NOVA1: variants seen among roughly 807,000 people sequenced by gnomAD.
NOVA1 encodes RNA-binding protein Nova-1.
A neutral mutation model predicts 38.0 loss-of-function variants in NOVA1; 7 were observed. The ratio of observed to expected loss-of-function variants is 0.18; its 90% CI spans 0.10 to 0.35. NOVA1 has a LOEUF of 0.35. Ranked by LOEUF, NOVA1 falls within the 10% of genes least tolerant of loss-of-function variation. The probability of loss-of-function intolerance (pLI) is 1.00; values close to 1 mark genes in which losing one functional copy is unlikely to be tolerated. For missense variants in NOVA1, 460 were observed against 616.0 expected (o/e 0.75, Z 2.68); for synonymous variants, 270 against 232.5 (o/e 1.16, Z -1.47).
chr14:26,448,415 T>A lies in NOVA1; in HGVS notation c.1068A>T (p.Ala356=). The A allele has an allele frequency of 7.4e-6, 12 of 1,611,942 alleles. No individual in the cohort carries two copies. Among genetic ancestry groups the A allele is most frequent in the South Asian group, 1.1e-5 (1 of 90,992 alleles). The change falls in exon 5 of 5, where the codon GCA becomes GCT. Residue 356 remains alanine, a synonymous_variant. Coordinates refer to ENST00000539517, the MANE Select transcript of NOVA1 (RefSeq NM_002515.3). This position sits in a 1 kb window ranked among gnomAD's most constrained non-coding sequence, Gnocchi z 5.3. ...AGGTGGCCAATAAATTGGCTGCTGC[T>A]GCTGCTGGGTTGGCACTGGCAGCTG... ...AAAAASANPA[A]AAANLLATYA...
intron 3 of NOVA1, among the ~76,000 whole-genome samples, chr14:26,478,374 T>C (rs7160872): frequency 0.013 from 2,050 of 151,936 alleles, 21 homozygotes; most frequent in Non-Finnish European, 0.019. Context: ...TTTTATGTTT[T>C]ACTTAAAAAA....
At chr14:26,512,528 A>C (rs372408379) in intron 2 of NOVA1, among the ~76,000 whole-genome samples, 3 of 152,182 alleles carry the variant, frequency 2.0e-5, no homozygotes, top group East Asian at 3.8e-4. Context: ...TGTGACTTCA[A>C]TTAAACTCTT....
At chr14:26,585,486 T>C (rs73603806) in intron 2 of NOVA1, among the ~76,000 whole-genome samples, 4,013 of 151,390 alleles carry the variant, frequency 0.027, 170 homozygotes, top group African/African-American at 0.092. Context: ...AAATATATTA[T>C]AAACAAAACA....
At chr14:26,509,541 G>T (rs1887899553) in intron 2 of NOVA1, among the ~76,000 whole-genome samples, 1 of 152,166 alleles carries the variant, frequency 6.6e-6, no homozygotes, top group African/African-American at 2.4e-5. Context: ...AGACAGAAGA[G>T]AGATTTTATA....
rs1007898191 is a variant in NOVA1, at chr14:26,595,672, T to G, written c.137-119A>C. On this transcript the variant is annotated intron_variant, in intron 1 of 4. Coordinates refer to ENST00000539517, the MANE Select transcript of NOVA1 (RefSeq NM_002515.3). ...ACTGGGTATATAACTGCAGGAAATA[T>G]GAAGTTAAACATTTTTTGAGAATGA... 5 of 769,614 alleles carry G rather than the reference T, an allele frequency of 6.5e-6. No individual in the cohort carries two copies. The South Asian group carries it at 9.0e-5, about 14-fold the overall frequency. The allele number at this position is 769,614 out of a possible 1,614,324, so 47.7% of individuals were successfully genotyped here. A position where few individuals can be genotyped will look rare whatever the true frequency, so the allele number is the denominator to read the frequency against.
intron 2 of NOVA1, among the ~76,000 whole-genome samples, chr14:26,494,954 C>A (rs552353009): frequency 6.6e-6 from 1 of 152,252 alleles, no homozygotes; most frequent in African/African-American, 2.4e-5. Context: ...AGTCTAAACC[C>A]TTTACTATGG....
At chr14:26,553,991 CAA>C (rs60112245) in intron 2 of NOVA1, among the ~76,000 whole-genome samples, 1 of 151,410 alleles carries the variant, frequency 6.6e-6, no homozygotes, top group Non-Finnish European at 1.5e-5. Flanking sequence ...ACTACAAATA[CAA>C]AAAAAACTGG....
chr14:26,554,340 T>G (rs936379843), intron 2 of NOVA1, among the ~76,000 whole-genome samples: 13 of 150,738 alleles, frequency 8.6e-5, no homozygotes, highest in African/African-American at 3.2e-4. Flanking sequence ...GGAGGAGAAA[T>G]AGGTATATGA....
At chr14:26,535,644 C>G (rs890270774) in intron 2 of NOVA1, among the ~76,000 whole-genome samples, 1 of 152,090 alleles carries the variant, frequency 6.6e-6, no homozygotes, top group African/African-American at 2.4e-5. Flanking sequence ...TCAGCAGAAA[C>G]AGATGACTGG....
chr14:26,519,087 A>G (rs963133935), intron 2 of NOVA1: 1 of 152,128 alleles, frequency 6.6e-6, no homozygotes, highest in Non-Finnish European at 1.5e-5. Context: ...TCTATTTTAA[A>G]TGGAAAACAT....
intron 2 of NOVA1, among the ~76,000 whole-genome samples, chr14:26,514,293 T>C (rs1250947894): frequency 6.6e-6 from 1 of 151,780 alleles, no homozygotes; most frequent in Non-Finnish European, 1.5e-5. Flanking sequence ...CTCTATTAAA[T>C]GTATCTACCA....
intron 4 of NOVA1, among the ~76,000 whole-genome samples, chr14:26,459,160 C>G (rs773818636): frequency 5.3e-5 from 8 of 151,964 alleles, no homozygotes; most frequent in Non-Finnish European, 1.2e-4. Context: ...AAATTCTATT[C>G]ATGGTTAGTT....
intron 2 of NOVA1, among the ~76,000 whole-genome samples, chr14:26,541,265 T>C (rs1890449447): frequency 6.6e-6 from 1 of 152,034 alleles, no homozygotes; most frequent in Non-Finnish European, 1.5e-5. Context: ...TGTTTTCTTA[T>C]TTGCACTTTC....
At chr14:26,473,632 A>C (rs1475627246) in intron 3 of NOVA1, among the ~76,000 whole-genome samples, 1 of 151,990 alleles carries the variant, frequency 6.6e-6, no homozygotes, top group Non-Finnish European at 1.5e-5. Flanking sequence ...AAAAAAAAAG[A>C]ATAAGAAATT....
intron 4 of NOVA1, among the ~76,000 whole-genome samples, chr14:26,463,954 G>A (rs1202280347): frequency 1.3e-5 from 2 of 152,084 alleles, no homozygotes; most frequent in Admixed American, 6.6e-5. Context: ...TCATGTATTT[G>A]TTCATTTAAA....
intron 2 of NOVA1, among the ~76,000 whole-genome samples, chr14:26,505,471 G>T (rs1340348574): frequency 1.3e-5 from 2 of 152,020 alleles, no homozygotes; most frequent in African/African-American, 4.8e-5. Flanking sequence ...CACCATGACT[G>T]TAAGTTTCCG....
chr14:26,467,364 T>C (rs961444518), intron 4 of NOVA1, among the ~76,000 whole-genome samples: 22 of 152,200 alleles, frequency 1.4e-4, no homozygotes, highest in African/African-American at 5.1e-4. Flanking sequence ...TCATCATTGA[T>C]GTCCTTGGCA....
intron 2 of NOVA1, among the ~76,000 whole-genome samples, chr14:26,567,209 G>A (rs530258737): frequency 1.1e-3 from 160 of 149,870 alleles, no homozygotes; most frequent in Non-Finnish European, 1.6e-3. Context: ...AAATTTAATT[G>A]TAATTCATAA....
intron 2 of NOVA1, among the ~76,000 whole-genome samples, chr14:26,538,639 T>C (rs915899256): frequency 6.6e-6 from 1 of 152,116 alleles, no homozygotes; most frequent in African/African-American, 2.4e-5. Context: ...CCATAATTTC[T>C]AGCTGGGACC....
Sources: allele counts gnomAD v4.1 joint callset (sites outside exome capture counted in the v4.1 genomes callset), GRCh38; gene constraint gnomAD v4.1.1; non-coding constraint Gnocchi (gnomAD v3.1); transcripts MANE v1.5; gene names NCBI Gene and HGNC (gene_info 2026-07-23, HGNC 2026-07-21).